The following SEMA6D variants were observed in gnomAD, a reference collection of about 807,000 sequenced individuals.
SEMA6D encodes semaphorin-6D.
In SEMA6D, 35 loss-of-function variants were observed where a neutral mutation model predicts 106.6. The observed-to-expected ratio is 0.33, with a 90% CI of 0.25 to 0.44. SEMA6D has a LOEUF of 0.44. Among genes scored for constraint, SEMA6D ranks in the 20% least tolerant of loss-of-function variants. The probability of loss-of-function intolerance (pLI) is 1.00; values close to 1 mark genes in which losing one functional copy is unlikely to be tolerated. For synonymous variants in SEMA6D, 499 were observed against 487.7 expected (o/e 1.02, Z -0.31); for missense variants, 1,185 against 1,345.9 (o/e 0.88, Z 1.87).
chr15:47,424,778 C>A (rs964599304), intron 2 of SEMA6D, among the ~76,000 whole-genome samples: 3 of 152,030 alleles, frequency 2.0e-5, no homozygotes, highest in African/African-American at 7.2e-5. Flanking sequence ...GATAAACTGA[C>A]AATAGATTAA....
chr15:47,613,410 C>A (rs1183277414), intron 4 of SEMA6D, among the ~76,000 whole-genome samples: 1 of 152,130 alleles, frequency 6.6e-6, no homozygotes. Context: ...GTGAATGTGA[C>A]AGACAAAGCC....
chr15:47,385,065 T>TTTTTTTTTTTTTAA (rs35758807), intron 1 of SEMA6D, among the ~76,000 whole-genome samples: 2 of 137,156 alleles, frequency 1.5e-5, no homozygotes, highest in East Asian at 2.0e-4. Context: ...TTTTTTTTTT[T>TTTTTTTTTTTTTAA]ACCATAGAAC....
intron 1 of SEMA6D, among the ~76,000 whole-genome samples, chr15:47,357,892 G>A (rs1416996166): frequency 2.0e-5 from 3 of 152,048 alleles, no homozygotes; most frequent in South Asian, 2.1e-4. Flanking sequence ...CAATGACATC[G>A]GGTTGTCCAG....
At chr15:47,663,166 A>G (rs1387532194) in intron 4 of SEMA6D, among the ~76,000 whole-genome samples, 2 of 152,216 alleles carry the variant, frequency 1.3e-5, no homozygotes, top group Non-Finnish European at 2.9e-5. Flanking sequence ...CAGGTACTCA[A>G]TAAACATCAA....
chr15:47,581,640 C>A (rs79287028), intron 3 of SEMA6D, among the ~76,000 whole-genome samples: 4,389 of 152,230 alleles, frequency 0.029, 214 homozygotes, highest in African/African-American at 0.1. Context: ...ATAAGCTTCA[C>A]ATGTTAGAGG....
At chr15:47,676,949 C>T (rs113611521) in intron 4 of SEMA6D, among the ~76,000 whole-genome samples, 2,569 of 151,602 alleles carry the variant, frequency 0.017, 76 homozygotes, top group African/African-American at 0.058. Context: ...TGGGTGGTTC[C>T]GGGATGAAAC....
chr15:47,529,613 A>AAAC (rs1555386002), intron 3 of SEMA6D, among the ~76,000 whole-genome samples: 2 of 151,250 alleles, frequency 1.3e-5, no homozygotes, highest in Admixed American at 1.3e-4. Flanking sequence ...TAAAAAAAAA[A>AAAC]AAAAAAACAA....
chr15:47,394,322 AAAAG>A (rs1315969260), intron 1 of SEMA6D, among the ~76,000 whole-genome samples: 9 of 152,364 alleles, frequency 5.9e-5, no homozygotes, highest in African/African-American at 1.9e-4. Flanking sequence ...AAAGAAAAGA[AAAAG>A]AAAAGAGCTG....
Position 47,764,931 on chromosome 15 carries a change from G to T in SEMA6D, c.1302G>T (p.Gln434His), listed in dbSNP as rs560454542. Reference protein sequence around the residue: ...ISVDHSAGPYQNYTVIFVGSE... With the variant: ...ISVDHSAGPYHNYTVIFVGSE... Reference sequence around the variant, plus strand: ...TGGACCATTCAGCCGGACCCTACCAGAACTACACAGTCATCTTTGTTGGCT... The same window carrying T: ...TGGACCATTCAGCCGGACCCTACCATAACTACACAGTCATCTTTGTTGGCT... The change falls in exon 13 of 19, where the codon CAG (glutamine) becomes CAT (histidine). Residue 434 changes from glutamine to histidine, a missense_variant. Gln to His is a conservative substitution (Grantham distance 24). This residue lies in a region of SEMA6D where 291 missense variants were observed against 423.8 expected (regional missense o/e 0.69). Transcript: ENST00000536845. 2.2e-5 allele frequency: 35 copies of T among 1,613,832 alleles called. No individual in the cohort carries two copies. Among genetic ancestry groups the T allele is most frequent in the Non-Finnish European group, 3.0e-5 (35 of 1,179,910 alleles).
chr15:47,589,983 C>T (rs1295234143), intron 3 of SEMA6D, among the ~76,000 whole-genome samples: 1 of 152,114 alleles, frequency 6.6e-6, no homozygotes, highest in Non-Finnish European at 1.5e-5. Flanking sequence ...CTGTATTGGG[C>T]TGAATTGTTT....
intron 1 of SEMA6D, among the ~76,000 whole-genome samples, chr15:47,203,842 AT>A (rs1894876989): frequency 6.6e-6 from 1 of 152,200 alleles, no homozygotes; most frequent in African/African-American, 2.4e-5. Flanking sequence ...ACACATTCCT[AT>A]TTGTTTATTT....
chr15:47,401,461 C>T (rs993448604), intron 1 of SEMA6D, among the ~76,000 whole-genome samples: 2 of 152,242 alleles, frequency 1.3e-5, no homozygotes, highest in Non-Finnish European at 2.9e-5. Flanking sequence ...ATAAAGCTAG[C>T]AGTGGATAAT....
intron 3 of SEMA6D, among the ~76,000 whole-genome samples, chr15:47,492,388 C>T (rs970112433): frequency 6.6e-6 from 1 of 152,118 alleles, no homozygotes; most frequent in Non-Finnish European, 1.5e-5. Context: ...TTTAAAAGTT[C>T]TCTCTCACTC....
intron 4 of SEMA6D, among the ~76,000 whole-genome samples, chr15:47,653,578 G>C (rs1189072457): frequency 6.6e-6 from 1 of 152,230 alleles, no homozygotes; most frequent in Non-Finnish European, 1.5e-5. Context: ...GAGCCACTTA[G>C]AGACCCAGAG....
chr15:47,392,297 A>G (rs1283411466), intron 1 of SEMA6D, among the ~76,000 whole-genome samples: 1 of 152,172 alleles, frequency 6.6e-6, no homozygotes, highest in Non-Finnish European at 1.5e-5. Context: ...TCACTTCCTA[A>G]TCTCTGGAAC....
chr15:47,536,723 A>C (rs1240714064), intron 3 of SEMA6D, among the ~76,000 whole-genome samples: 2 of 152,226 alleles, frequency 1.3e-5, no homozygotes, highest in Non-Finnish European at 1.5e-5. Context: ...TATCCATTAC[A>C]ACTAAGCCAA....
intron 4 of SEMA6D, among the ~76,000 whole-genome samples, chr15:47,682,358 G>A (rs143676914): frequency 2.6e-5 from 4 of 152,124 alleles, no homozygotes; most frequent in African/African-American, 7.2e-5. Flanking sequence ...TAGTAGAGAC[G>A]GGGTTTCACC....
chr15:47,266,947 GTTTTAAAACAATT>G (rs928902265), intron 1 of SEMA6D, among the ~76,000 whole-genome samples: 1 of 152,050 alleles, frequency 6.6e-6, no homozygotes, highest in Non-Finnish European at 1.5e-5. Flanking sequence ...GACTTTAAAT[GTTTTAAAACAATT>G]TTCATCTGTT....
At chr15:47,715,404 AAGG>A (rs2079091972), upstream of SEMA6D, among the ~76,000 whole-genome samples, 1 of 152,198 alleles carries the variant, frequency 6.6e-6, no homozygotes, top group Non-Finnish European at 1.5e-5. Context: ...ATCCAAATAA[AAGG>A]AGCGTTGTTT....
Sources: allele counts gnomAD v4.1 joint callset (sites outside exome capture counted in the v4.1 genomes callset), GRCh38; gene constraint gnomAD v4.1.1; regional missense constraint gnomAD v4.1.1; transcripts MANE v1.5; gene names NCBI Gene and HGNC (gene_info 2026-07-23, HGNC 2026-07-21).